Variants in STXBP3 observed in about 807,000 individuals in gnomAD.
STXBP3 encodes the protein syntaxin binding protein 3.
STXBP3 carries 41 observed loss-of-function variants against 85.7 expected under a neutral mutation model. The observed-to-expected ratio is 0.48, with a 90% CI of 0.37 to 0.62. The LOEUF is 0.62. Among genes scored for constraint, STXBP3 ranks in the 20% least tolerant of loss-of-function variants. The pLI is 0.00. For missense variants in STXBP3, 563 were observed against 703.1 expected (o/e 0.80, Z 2.25); for synonymous variants, 229 against 231.7 (o/e 0.99, Z 0.10).
At chr1:108,749,712 G>T (rs872339) in intron 1 of STXBP3, among the ~76,000 whole-genome samples, 107,190 of 151,990 alleles carry the variant, frequency 0.71, 38,774 homozygotes, top group Non-Finnish European at 0.78. Context: ...AAACTAGTTC[G>T]TTCTTTTAGA....
At position 108,760,073 on chromosome 1, in the gene STXBP3, A is replaced by C; in HGVS notation, c.426A>C (p.Pro142=). 1 of 1,554,292 alleles carries C rather than the reference A, an allele frequency of 6.4e-7. No individual in the cohort carries two copies. Among genetic ancestry groups the C allele is most frequent in the Non-Finnish European group, 8.7e-7 (1 of 1,154,004 alleles). Residue 142 remains proline (P), a synonymous_variant, in exon 6 of 19, where the codon CCA becomes CCC. Coordinates refer to ENST00000370008, the MANE Select transcript of STXBP3 (RefSeq NM_007269.4). ...AAGAAATAAATATTTCCTTCATTCC[A>C]CATGAATCTCAGGTACTTTCTATTT... ...RCKEINISFI[P]HESQVYTLDV... is the part of the protein sequence containing the mutation.
chr1:108,792,601 A>G (rs1255393513), intron 11 of STXBP3, among the ~76,000 whole-genome samples: 1 of 152,200 alleles, frequency 6.6e-6, no homozygotes, highest in African/African-American at 2.4e-5. Context: ...ACTAGAACTT[A>G]TTCCTTATCT....
chr1:108,795,462 AG>A (rs1490437784), intron 13 of STXBP3, among the ~76,000 whole-genome samples: 7 of 151,658 alleles, frequency 4.6e-5, no homozygotes, highest in Admixed American at 4.0e-4. Context: ...CAGGAGTTTG[AG>A]GGCAGCCTGG....
At chr1:108,767,144 G>A (rs1662280764) in intron 6 of STXBP3, 3 of 296,304 alleles carry the variant, frequency 1.0e-5, no homozygotes, top group South Asian at 6.2e-5. Flanking sequence ...AGGACTGACA[G>A]ACACAAGCCT....
At chr1:108,746,919 G>C (rs903044558) in intron 1 of STXBP3, 133 bp downstream of exon 1, 6 of 868,924 alleles carry the variant, frequency 6.9e-6, no homozygotes, top group Admixed American at 2.6e-5. Flanking sequence ...ACCTGTGTGA[G>C]GACTTCTTCC....
At chr1:108,803,804 A>T (rs369798963) in intron 17 of STXBP3, among the ~76,000 whole-genome samples, 70 of 152,244 alleles carry the variant, frequency 4.6e-4, no homozygotes, top group African/African-American at 1.6e-3. Flanking sequence ...TAGTCTTTAC[A>T]GTTTTATCCG....
intron 6 of STXBP3, among the ~76,000 whole-genome samples, chr1:108,765,022 T>G (rs1462875959): frequency 6.6e-6 from 1 of 152,234 alleles, no homozygotes; most frequent in African/African-American, 2.4e-5. Flanking sequence ...GTTTTACCTT[T>G]AAGTCTTTAA....
At chr1:108,773,964 T>C (rs1169035030) in intron 7 of STXBP3, among the ~76,000 whole-genome samples, 1 of 152,006 alleles carries the variant, frequency 6.6e-6, no homozygotes, top group East Asian at 1.9e-4. Context: ...GTCAAAAAAA[T>C]AGAACATTAA....
intron 6 of STXBP3, among the ~76,000 whole-genome samples, chr1:108,764,848 A>AG (rs1662224738): frequency 2.0e-5 from 3 of 152,114 alleles, no homozygotes; most frequent in Admixed American, 1.3e-4. Flanking sequence ...CTCTGTTGAT[A>AG]GTTCCTTTTG....
intron 16 of STXBP3, among the ~76,000 whole-genome samples, chr1:108,799,212 T>G (rs544583220): frequency 6.6e-6 from 1 of 152,340 alleles, no homozygotes; most frequent in South Asian, 2.1e-4. Context: ...TAATTTTATG[T>G]TATTCACACA....
chr1:108,759,871 T>TA (rs947014672), intron 5 of STXBP3, 114 bp from the exon 6 acceptor site: 2 of 670,028 alleles, frequency 3.0e-6, no homozygotes, highest in Non-Finnish European at 2.6e-6. Flanking sequence ...TATGTCCTCA[T>TA]AATAACTGTG....
At chr1:108,753,682 T>C (rs1661956529) in intron 3 of STXBP3, among the ~76,000 whole-genome samples, 1 of 152,186 alleles carries the variant, frequency 6.6e-6, no homozygotes, top group Admixed American at 6.5e-5. Context: ...TAAGAAGTTA[T>C]CTTCCTCTAG....
intron 1 of STXBP3, among the ~76,000 whole-genome samples, chr1:108,748,513 C>A (rs946360191): frequency 1.3e-5 from 2 of 151,746 alleles, no homozygotes; most frequent in Non-Finnish European, 2.9e-5. Flanking sequence ...CAGAGCAAGA[C>A]CCTGAGTCTA....
At chr1:108,777,840 C>T (rs145470087) in intron 8 of STXBP3, among the ~76,000 whole-genome samples, 114 of 152,240 alleles carry the variant, frequency 7.5e-4, no homozygotes, top group African/African-American at 2.6e-3. Flanking sequence ...AGCCCTAAGC[C>T]TGCTATAGAA....
chr1:108,809,290 A>C lies in STXBP3; in HGVS notation c.*413A>C, dbSNP rs1467837104. 3 of 155,370 alleles carry C rather than the reference A, an allele frequency of 1.9e-5. No individual in the cohort carries two copies. Among genetic ancestry groups the C allele is most frequent in the African/African-American group, 7.2e-5 (3 of 41,478 alleles). 9.6% of individuals were successfully genotyped at this position (155,370 alleles called of 1,614,324 possible). A position where few individuals can be genotyped will look rare whatever the true frequency, so the allele number is the denominator to read the frequency against. ...TGTAAAAGTAAAAAACTGTAAATGT[A>C]TATGTATGATAGAATTGTTTCCTCT... On this transcript the variant is annotated 3_prime_UTR_variant, in exon 19 of 19. Transcript: ENST00000370008.
chr1:108,747,752 T>A (rs921162358), intron 1 of STXBP3, among the ~76,000 whole-genome samples: 3 of 152,164 alleles, frequency 2.0e-5, no homozygotes, highest in Non-Finnish European at 4.4e-5. Context: ...TCCAAATCAG[T>A]AACTGGGATA....
At chr1:108,748,258 G>A (rs1317885297) in intron 1 of STXBP3, among the ~76,000 whole-genome samples, 3 of 152,166 alleles carry the variant, frequency 2.0e-5, no homozygotes, top group South Asian at 2.1e-4. Context: ...TTATGGCCAG[G>A]TGCAGTGGTT....
intron 6 of STXBP3, among the ~76,000 whole-genome samples, chr1:108,766,222 C>T (rs1006129359): frequency 1.3e-5 from 2 of 150,216 alleles, no homozygotes; most frequent in African/African-American, 4.9e-5. Flanking sequence ...AAATTGCCCC[C>T]GCCCCTGAAA....
chr1:108,758,561 A>C lies in STXBP3; in HGVS notation c.310A>C (p.Lys104Gln), dbSNP rs1202040590. Residue 104 changes from lysine (K) to glutamine (Q), a missense_variant, in exon 5 of 19, where the codon AAA becomes CAA. Lys to Gln is a moderately conservative substitution (Grantham distance 53). This residue lies in a region of STXBP3 where 494 missense variants were observed against 592.8 expected (regional missense o/e 0.83). Transcript: ENST00000370008. ...TGCAAGTAAATCGGAGAACAAGTAT[A>C]AAGCAGCATATATTTACTTCACTGA... ...DFASKSENKYKAAYIYFTDFC... is the reference protein window; with the variant it reads ...DFASKSENKYQAAYIYFTDFC... 6.5e-7 allele frequency: 1 copy of C among 1,540,018 alleles called. No individual in the cohort carries two copies. The highest frequency in any genetic ancestry group is 8.8e-7 in the Non-Finnish European group (1 of 1,138,420).
Sources: allele counts gnomAD v4.1 joint callset (sites outside exome capture counted in the v4.1 genomes callset), GRCh38; gene constraint gnomAD v4.1.1; regional missense constraint gnomAD v4.1.1; transcripts MANE v1.5; gene names NCBI Gene and HGNC (gene_info 2026-07-23, HGNC 2026-07-21).